Variants in RBMS3 observed in about 807,000 individuals in gnomAD.
The protein encoded by RBMS3 is RNA binding motif single stranded interacting protein 3.
Under a neutral mutation model 66.8 loss-of-function variants are expected in RBMS3, and 27 were observed. That is an observed-to-expected ratio of 0.40 (90% CI 0.30 to 0.56). The LOEUF (loss-of-function observed/expected upper bound fraction) is 0.56, where lower values mean the gene tolerates loss of function less well. Ranked by LOEUF, RBMS3 falls within the 20% of genes least tolerant of loss-of-function variation. RBMS3 has a pLI of 0.40. For missense variants in RBMS3, 513 were observed against 549.5 expected, an observed-to-expected ratio of 0.93 and a Z score of 0.66; for synonymous variants, 188 against 183.0, an observed-to-expected ratio of 1.03 and a Z score of -0.22.
chr3:29,545,813 G>A, intron 3 of RBMS3, among the ~76,000 whole-genome samples: 1 of 152,066 alleles, frequency 6.6e-6, no homozygotes, highest in East Asian at 1.9e-4. Context: ...ATCCAACATT[G>A]TAATATGAGT....
intron 3 of RBMS3, among the ~76,000 whole-genome samples, chr3:29,577,753 A>G (rs1404115464): frequency 1.3e-5 from 2 of 152,088 alleles, no homozygotes; most frequent in African/African-American, 4.8e-5. Flanking sequence ...CCTCAAATGC[A>G]CAGACTCTTT....
chr3:29,756,488 G>C (rs2149373817), intron 5 of RBMS3, among the ~76,000 whole-genome samples: 1 of 152,272 alleles, frequency 6.6e-6, no homozygotes, highest in East Asian at 1.9e-4. Flanking sequence ...GTAGGCAAGA[G>C]AGTGTGTGCA....
At chr3:30,000,378 G>T (rs1195898306) in intron 14 of RBMS3, among the ~76,000 whole-genome samples, 2 of 152,134 alleles carry the variant, frequency 1.3e-5, no homozygotes, top group Admixed American at 1.3e-4. Context: ...TCATTAAAAA[G>T]TCAGGAAACA....
intron 4 of RBMS3, among the ~76,000 whole-genome samples, chr3:29,705,496 G>A (rs1035301325): frequency 3.9e-5 from 6 of 152,154 alleles, no homozygotes; most frequent in Non-Finnish European, 4.4e-5. Flanking sequence ...GGCACAGCAA[G>A]TGAAAACATA....
chr3:29,866,875 T>A (rs909421168), intron 6 of RBMS3, among the ~76,000 whole-genome samples: 1 of 152,144 alleles, frequency 6.6e-6, no homozygotes, highest in African/African-American at 2.4e-5. Context: ...GCAGTCAGTG[T>A]GAAAAACCAC....
In RBMS3 at chr3:29,564,721, C is replaced by T. The variant is rs1047058761; in HGVS notation, c.308-22393C>T. 2.0e-5 allele frequency among the ~76,000 whole-genome samples: 3 copies of T among 152,020 alleles called. No individual in the cohort carries two copies. In the East Asian group the frequency reaches 5.8e-4, roughly 29 times the overall value. On this transcript the variant is annotated intron_variant, in intron 3 of 14. Transcript: ENST00000383767. ...AAACCAGAAGGTTTACACTACCTTG[C>T]AGAAACTTCGTGGGAGAAGAGTTGG...
intron 4 of RBMS3, among the ~76,000 whole-genome samples, chr3:29,660,212 A>G (rs1472302310): frequency 6.6e-6 from 1 of 151,914 alleles, no homozygotes; most frequent in African/African-American, 2.4e-5. Context: ...TTTTTACTTC[A>G]TATATTTGAT....
At chr3:29,638,982 A>C (rs1263846354) in intron 4 of RBMS3, among the ~76,000 whole-genome samples, 3 of 151,876 alleles carry the variant, frequency 2.0e-5, no homozygotes, top group African/African-American at 7.2e-5. Flanking sequence ...GAATCATAAT[A>C]ATCCTTTCTT....
chr3:29,612,140 G>A (rs2048514155), intron 4 of RBMS3, among the ~76,000 whole-genome samples: 1 of 151,880 alleles, frequency 6.6e-6, no homozygotes, highest in South Asian at 2.1e-4. Flanking sequence ...AGAAGTATTC[G>A]ACCAAAGTTA....
intron 10 of RBMS3, among the ~76,000 whole-genome samples, chr3:29,909,591 A>C (rs1392756494): frequency 6.6e-6 from 1 of 152,084 alleles, no homozygotes; most frequent in African/African-American, 2.4e-5. Context: ...AATACAAAAA[A>C]TATGCTTTAA....
chr3:29,588,218 A>T (rs1224785347), intron 4 of RBMS3, among the ~76,000 whole-genome samples: 1 of 152,112 alleles, frequency 6.6e-6, no homozygotes, highest in Non-Finnish European at 1.5e-5. Flanking sequence ...ATTCACCTGC[A>T]TCCTAAGTCT....
intron 1 of RBMS3, among the ~76,000 whole-genome samples, chr3:29,374,851 C>G (rs2038385968): frequency 6.6e-6 from 1 of 152,198 alleles, no homozygotes; most frequent in Admixed American, 6.5e-5. Context: ...TATGCTTTGG[C>G]AGCTATTTAC....
chr3:29,996,093 A>G (rs1336160708), intron 14 of RBMS3, among the ~76,000 whole-genome samples: 16 of 151,576 alleles, frequency 1.1e-4, no homozygotes, highest in African/African-American at 3.6e-4. Context: ...CCAATGGAAA[A>G]CAAAAAAAGG....
At chr3:29,812,579 G>C (rs1406881676) in intron 6 of RBMS3, among the ~76,000 whole-genome samples, 3 of 152,212 alleles carry the variant, frequency 2.0e-5, no homozygotes, top group Non-Finnish European at 4.4e-5. Context: ...GATTGCTGCT[G>C]TGTTGGGATC....
Position 29,846,670 on chromosome 3 carries a change from T to A in RBMS3, c.638-22188T>A, listed in dbSNP as rs376717794. Among the ~76,000 whole-genome samples, 87 of 152,318 alleles carry A rather than the reference T, an allele frequency of 5.7e-4. 2 individuals carry two copies. In the South Asian group the frequency reaches 0.018, roughly 31 times the overall value. On this transcript the variant is annotated intron_variant, in intron 6 of 14. Transcript: ENST00000383767. ...TGCAAGAAAGTTTAAAGCATCTTAG[T>A]TTAGAAGCTCATAAATACTCTCTAA...
intron 6 of RBMS3, among the ~76,000 whole-genome samples, chr3:29,847,033 A>C (rs1339001020): frequency 6.6e-6 from 1 of 152,212 alleles, no homozygotes. Context: ...GCCATATCGC[A>C]TGATACACGA....
chr3:29,500,007 G>A (rs2043904780), intron 3 of RBMS3, among the ~76,000 whole-genome samples: 1 of 151,116 alleles, frequency 6.6e-6, no homozygotes. Context: ...ATGTCTTTGG[G>A]ACACATGCTG....
chr3:29,917,511 G>A (rs972712538), intron 10 of RBMS3, among the ~76,000 whole-genome samples: 17 of 152,120 alleles, frequency 1.1e-4, no homozygotes, highest in African/African-American at 4.1e-4. Flanking sequence ...CCAGTGTATT[G>A]GGGAAGAGAG....
intron 12 of RBMS3, among the ~76,000 whole-genome samples, chr3:29,954,132 C>A (rs1695871324): frequency 6.7e-6 from 1 of 149,660 alleles, no homozygotes; most frequent in Admixed American, 6.7e-5. Context: ...CTTCTTGCCT[C>A]AAGATTCTCA....
Sources: allele counts gnomAD v4.1 joint callset (sites outside exome capture counted in the v4.1 genomes callset), GRCh38; gene constraint gnomAD v4.1.1; transcripts MANE v1.5; gene names NCBI Gene and HGNC (gene_info 2026-07-23, HGNC 2026-07-21).